Variants in ELP1 observed in about 807,000 individuals in gnomAD.
ELP1 encodes the protein elongator complex protein 1.
ELP1 carries 131 observed loss-of-function variants against 183.2 expected under a neutral mutation model. The ratio of observed to expected loss-of-function variants is 0.72; its 90% CI spans 0.62 to 0.83. ELP1 has a LOEUF of 0.83. ELP1 is among the 40% of genes least tolerant of loss of function. The probability of loss-of-function intolerance (pLI) is 0.00; values close to 1 mark genes in which losing one functional copy is unlikely to be tolerated. For missense variants in ELP1, 1,550 were observed against 1,594.9 expected (o/e 0.97, Z 0.48); for synonymous variants, 555 against 569.0 (o/e 0.98, Z 0.35).
intron 25 of ELP1, among the ~76,000 whole-genome samples, chr9:108,895,218 G>A (rs149798897): frequency 5.5e-4 from 83 of 152,200 alleles, no homozygotes; most frequent in Middle Eastern, 3.4e-3. Context: ...GATAGAGCCC[G>A]ACCTTGTCTC....
At position 108,893,024 on chromosome 9, in the gene ELP1, C is replaced by T. The variant is rs151120244; in HGVS notation, c.2920G>A (p.Ala974Thr). Residue 974 changes from alanine to threonine, a missense_variant, in exon 27 of 37, where the codon GCT becomes ACT. Coordinates refer to ENST00000374647, the MANE Select transcript of ELP1 (RefSeq NM_003640.5). ...LIKDKNLYNE[A>T]LKLYSPSSQQ... ...GAGCTTGGTGAATATAACTTCAGAGCTTCGTTATACAAGTTTTTATCTTTT... is the reference window on the plus strand; with the variant it reads ...GAGCTTGGTGAATATAACTTCAGAGTTTCGTTATACAAGTTTTTATCTTTT... 2.5e-5 allele frequency: 40 copies of T among 1,613,620 alleles called. No individual in the cohort carries two copies. In the African/African-American group the frequency reaches 5.1e-4, roughly 20 times the overall value.
intron 8 of ELP1, 129 bp from the exon 9 acceptor site, chr9:108,917,799 A>G: frequency 9.2e-7 from 1 of 1,082,702 alleles, no homozygotes; most frequent in African/African-American, 1.5e-5. Context: ...ATCTTTATCC[A>G]AGGAAGTTTT....
At chr9:108,887,301 G>A (rs939623689) in intron 29 of ELP1, among the ~76,000 whole-genome samples, 2 of 152,060 alleles carry the variant, frequency 1.3e-5, no homozygotes, top group Non-Finnish European at 2.9e-5. Context: ...TCAGGAAAAA[G>A]GCAAGGATGT....
chr9:108,901,764 C>A (rs1427275208), intron 16 of ELP1, 83 bp from the exon 17 acceptor site: 17 of 1,305,882 alleles, frequency 1.3e-5, no homozygotes, highest in Middle Eastern at 1.8e-4. Flanking sequence ...AGTTCTACCA[C>A]CCTATGATTT....
Position 108,916,291 on chromosome 9 carries a change from C to CATTT in ELP1, c.867_870dup (p.Asp291LysfsTer2). On this transcript the variant is annotated frameshift_variant, in exon 10 of 37. Coordinates refer to ENST00000374647, the MANE Select transcript of ELP1 (RefSeq NM_003640.5). LOFTEE classifies it high-confidence loss of function. Reference sequence around the variant, plus strand: ...GAGGAATCTGCATTCCAGAGCAAGTCATTTACCTAGAAGGGAAAAAAGATC... The same window carrying CATTT: ...GAGGAATCTGCATTCCAGAGCAAGTCATTTATTTACCTAGAAGGGAAAAAAGATC... 6.2e-7 allele frequency: 1 copy of CATTT among 1,613,268 alleles called. No individual in the cohort carries two copies. Among genetic ancestry groups the CATTT allele is most frequent in the African/African-American group, 1.3e-5 (1 of 75,018 alleles).
intron 24 of ELP1, 98 bp from the exon 25 acceptor site, chr9:108,896,742 A>G: frequency 1.7e-6 from 2 of 1,195,256 alleles, no homozygotes; most frequent in South Asian, 2.4e-5. Context: ...TTTTCTCAAT[A>G]GAACTGGACA....
rs746116617 is a variant in ELP1 at position 108,908,323 on chromosome 9, TGAG to T, written c.1439_1441del (p.Pro480del). 263 of 1,613,602 alleles carry T rather than the reference TGAG, an allele frequency of 1.6e-4. No homozygotes were observed. Among genetic ancestry groups the T allele is most frequent in the Non-Finnish European group, 2.2e-4 (255 of 1,179,478 alleles). On this transcript the variant is annotated inframe_deletion, in exon 13 of 37. Transcript: ENST00000374647. ...AACCTACTTGTATCTCTTTTCCAAA[TGAG>T]GAGTTCTAAGGCAAACTTTAAATCC... is the stretch of plus-strand genomic sequence containing the variant.
At position 108,899,837 on chromosome 9, in the gene ELP1, C is replaced by T. The variant is rs374558203; in HGVS notation, c.2189G>A (p.Arg730Gln). Residue 730 changes from arginine to glutamine, a missense_variant, in exon 20 of 37, where the codon CGG becomes CAG. Coordinates refer to ENST00000374647, the MANE Select transcript of ELP1 (RefSeq NM_003640.5). ...TGGCACTTACTTGTCCAACCACTTC[C>T]GAATCTGAGCTAAAACCAGGGCTCG... ...HHRALVLAQI[R>Q]KWLDKLMFKE... is the part of the protein sequence containing the mutation. 2.0e-5 allele frequency: 33 copies of T among 1,613,890 alleles called. No homozygotes were observed. In the East Asian group the frequency reaches 5.1e-4, roughly 25 times the overall value.
intron 16 of ELP1, 27 bp from the exon 17 acceptor site, chr9:108,901,708 A>G: frequency 6.2e-7 from 1 of 1,608,752 alleles, no homozygotes; most frequent in Non-Finnish European, 8.5e-7. Flanking sequence ...CTGAAATCAC[A>G]AGCAATTCTA....
intron 8 of ELP1, among the ~76,000 whole-genome samples, chr9:108,918,602 C>T (rs1285646922): frequency 1.3e-5 from 2 of 149,944 alleles, no homozygotes; most frequent in African/African-American, 2.5e-5. Flanking sequence ...TGTGAAGAAG[C>T]GTAAAATCTA....
At chr9:108,925,615 G>A (rs1312973245) in intron 5 of ELP1, among the ~76,000 whole-genome samples, 3 of 152,144 alleles carry the variant, frequency 2.0e-5, no homozygotes, top group African/African-American at 7.2e-5. Context: ...CCTCCTAGGG[G>A]AAATAAATCA....
chr9:108,871,737 G>A (rs1827466951), intron 36 of ELP1, among the ~76,000 whole-genome samples: 1 of 152,186 alleles, frequency 6.6e-6, no homozygotes, highest in Non-Finnish European at 1.5e-5. Context: ...TTTGCTTTAA[G>A]TTCTCATACA....
At chr9:108,906,786 C>T (rs1287077884) in intron 13 of ELP1, among the ~76,000 whole-genome samples, 1 of 152,278 alleles carries the variant, frequency 6.6e-6, no homozygotes. Flanking sequence ...CACTAATGAA[C>T]CCCAGAGCTT....
intron 18 of ELP1, 53 bp from the exon 19 acceptor site, chr9:108,900,428 A>G (rs1828733714): frequency 4.9e-6 from 6 of 1,220,494 alleles, no homozygotes; most frequent in African/African-American, 1.5e-5. Context: ...GCCACTCTCC[A>G]TTAACTGCAA....
At chr9:108,877,631 C>T (rs1827751719) in intron 35 of ELP1, among the ~76,000 whole-genome samples, 1 of 152,168 alleles carries the variant, frequency 6.6e-6, no homozygotes, top group African/African-American at 2.4e-5. Flanking sequence ...CCTTTAAAGC[C>T]TGATCCCATC....
chr9:108,913,185 A>G (rs1829299209), intron 10 of ELP1, among the ~76,000 whole-genome samples: 1 of 152,238 alleles, frequency 6.6e-6, no homozygotes, highest in Admixed American at 6.5e-5. Flanking sequence ...CAATTAGAGT[A>G]AAAGTATTAA....
intron 36 of ELP1, 77 bp downstream of exon 36, chr9:108,874,818 T>C: frequency 1.0e-6 from 1 of 1,000,094 alleles, no homozygotes; most frequent in Non-Finnish European, 1.6e-6. Flanking sequence ...CTCCTTATAC[T>C]GCTGATCTTC....
chr9:108,900,427 C>T, intron 18 of ELP1, 52 bp from the exon 19 acceptor site: 1 of 1,251,814 alleles, frequency 8.0e-7, no homozygotes, highest in East Asian at 2.3e-5. Flanking sequence ...AGCCACTCTC[C>T]ATTAACTGCA....
intron 16 of ELP1, among the ~76,000 whole-genome samples, chr9:108,901,911 T>A (rs1045463028): frequency 6.6e-6 from 1 of 152,018 alleles, no homozygotes. Flanking sequence ...CTCAAACCCA[T>A]CTCCTTTTTC....
Sources: gnomAD v4.1 joint callset for allele counts (sites outside exome capture counted in the v4.1 genomes callset) on GRCh38, gnomAD v4.1.1 for gene constraint, MANE v1.5 for transcripts, NCBI Gene and HGNC (gene_info 2026-07-23, HGNC 2026-07-21) for gene names.